Variants in PDE3A observed in about 807,000 individuals in gnomAD.
PDE3A encodes the protein phosphodiesterase 3A, also known as cGMP-inhibited 3',5'-cyclic phosphodiesterase 3A.
A neutral mutation model predicts 98.3 loss-of-function variants in PDE3A; 43 were observed. The ratio of observed to expected loss-of-function variants is 0.44; its 90% confidence interval spans 0.34 to 0.56. The LOEUF is 0.56. PDE3A is among the 20% of genes least tolerant of loss of function. The pLI, the probability that PDE3A is intolerant of heterozygous loss-of-function variation, is 0.01. For missense variants in PDE3A, 1,427 were observed against 1,440.7 expected, an observed-to-expected ratio of 0.99 and a Z score of 0.15; for synonymous variants, 663 against 567.9, an observed-to-expected ratio of 1.17 and a Z score of -2.38.
chr12:20,584,039 C>T (rs1013178752), intron 2 of PDE3A, among the ~76,000 whole-genome samples: 4 of 152,120 alleles, frequency 2.6e-5, no homozygotes, highest in Non-Finnish European at 5.9e-5. Context: ...GACGCACCTA[C>T]TGTGTGAAAG....
chr12:20,452,036 C>T (rs757154822), intron 1 of PDE3A, among the ~76,000 whole-genome samples: 19 of 152,114 alleles, frequency 1.2e-4, no homozygotes, highest in Non-Finnish European at 7.4e-5. Flanking sequence ...TGCTCTGCTC[C>T]GATAGGTCTC....
At chr12:20,554,383 A>T (rs1014517346) in intron 1 of PDE3A, among the ~76,000 whole-genome samples, 22 of 143,210 alleles carry the variant, frequency 1.5e-4, no homozygotes, top group Middle Eastern at 3.6e-3. Flanking sequence ...TAAAAAAAAT[A>T]AAAAAAGATT....
intron 1 of PDE3A, among the ~76,000 whole-genome samples, chr12:20,389,767 T>C (rs1244588883): frequency 6.6e-6 from 1 of 151,992 alleles, no homozygotes; most frequent in Non-Finnish European, 1.5e-5. Flanking sequence ...AGGTCATAGC[T>C]AAATTTAATG....
At chr12:20,465,609 C>T (rs1426547863) in intron 1 of PDE3A, among the ~76,000 whole-genome samples, 3 of 152,048 alleles carry the variant, frequency 2.0e-5, no homozygotes, top group Non-Finnish European at 2.9e-5. Context: ...TGGGGTTTCA[C>T]CATGCTGGCC....
intron 2 of PDE3A, among the ~76,000 whole-genome samples, chr12:20,558,235 T>C (rs1198005866): frequency 6.6e-6 from 1 of 150,946 alleles, no homozygotes; most frequent in African/African-American, 2.4e-5. Context: ...TTGTACAGTA[T>C]GGTTTTTGTT....
At chr12:20,423,347 A>G (rs994389936) in intron 1 of PDE3A, among the ~76,000 whole-genome samples, 6 of 152,236 alleles carry the variant, frequency 3.9e-5, no homozygotes, top group African/African-American at 1.2e-4. Context: ...TCTTTCACAG[A>G]CACAATGTAA....
At chr12:20,637,463 G>A (rs931398175) in intron 9 of PDE3A, among the ~76,000 whole-genome samples, 4 of 148,938 alleles carry the variant, frequency 2.7e-5, no homozygotes, top group Non-Finnish European at 4.6e-5. Context: ...TATTTTTAAA[G>A]ACAAAGTAGG....
In PDE3A at chr12:20,548,734, C is replaced by T. The variant is rs184034012; in HGVS notation, c.961-7926C>T. ...TGCAAAAAGGAAAATTCCACAGTTT[C>T]TATTTCTTTTCCTCATTGTCTGTGG... is the stretch of plus-strand genomic sequence containing the variant. On this transcript the variant is annotated intron_variant, in intron 1 of 15. Coordinates refer to ENST00000359062, the MANE Select transcript of PDE3A (RefSeq NM_000921.5). 1.7e-3 allele frequency among the ~76,000 whole-genome samples: 252 copies of T among 152,178 alleles called. 3 individuals are homozygous for T. Among genetic ancestry groups the T allele is most frequent in the African/African-American group, 5.6e-3 (233 of 41,562 alleles).
chr12:20,451,005 A>G (rs143841768), intron 1 of PDE3A, among the ~76,000 whole-genome samples: 1 of 152,236 alleles, frequency 6.6e-6, no homozygotes, highest in Non-Finnish European at 1.5e-5. Context: ...AAGCTCAGTT[A>G]CCTGCAGAAA....
At chr12:20,390,406 G>C (rs184178554) in intron 1 of PDE3A, among the ~76,000 whole-genome samples, 1 of 148,142 alleles carries the variant, frequency 6.8e-6, no homozygotes, top group East Asian at 2.1e-4. Flanking sequence ...CCTGGGTAGA[G>C]ACATTGAAGA....
Position 20,370,389 on chromosome 12 carries a change from G to A in PDE3A, c.960+145G>A, listed in dbSNP as rs181283253. On this transcript the variant is annotated intron_variant, in intron 1 of 15. Transcript: ENST00000359062. ...AACTTCAGAATTAAGAAACTAGCAGGTTTTTTTTTTGTTTTTTTTGTTTTT... is the reference window on the plus strand; with the variant it reads ...AACTTCAGAATTAAGAAACTAGCAGATTTTTTTTTTGTTTTTTTTGTTTTT... 444 of 425,160 alleles carry A rather than the reference G, an allele frequency of 1.0e-3. 1 individual carries two copies. The highest frequency in any genetic ancestry group is 8.4e-3 in the African/African-American group (393 of 46,740). The allele number at this position is 425,160 out of a possible 1,614,324, so 26.3% of individuals were successfully genotyped here.
intron 15 of PDE3A, among the ~76,000 whole-genome samples, chr12:20,665,109 T>C (rs555936908): frequency 3.5e-4 from 54 of 152,270 alleles, no homozygotes; most frequent in African/African-American, 1.3e-3. Context: ...TCCCTCCCTT[T>C]CTGCTGACTT....
intron 1 of PDE3A, among the ~76,000 whole-genome samples, chr12:20,534,799 T>C (rs1039265275): frequency 5.3e-5 from 8 of 152,232 alleles, no homozygotes; most frequent in Non-Finnish European, 7.3e-5. Flanking sequence ...AAGTAAATTA[T>C]ACCTGTTGAC....
At position 20,516,212 on chromosome 12, in the gene PDE3A, G is replaced by A. The variant is rs1946321167; in HGVS notation, c.961-40448G>A. Among the ~76,000 whole-genome samples the A allele has an allele frequency of 1.3e-5, 2 of 152,030 alleles. 1 individual carries two copies. The highest frequency in any genetic ancestry group is 4.1e-4 in the South Asian group (2 of 4,830). On this transcript the variant is annotated intron_variant, in intron 1 of 15. Coordinates refer to ENST00000359062, the MANE Select transcript of PDE3A (RefSeq NM_000921.5). ...TTCTTACTCAGACTCATTCAAAAAG[G>A]GATGGATTTTGAGTATTCATTTTGG...
intron 1 of PDE3A, among the ~76,000 whole-genome samples, chr12:20,488,664 TACAACA>T (rs1043206339): frequency 6.6e-6 from 1 of 151,884 alleles, no homozygotes; most frequent in Non-Finnish European, 1.5e-5. Context: ...GAGACATCTT[TACAACA>T]ACAACAACAA....
At chr12:20,474,958 T>A (rs1945502583) in intron 1 of PDE3A, among the ~76,000 whole-genome samples, 1 of 152,144 alleles carries the variant, frequency 6.6e-6, no homozygotes, top group East Asian at 1.9e-4. Context: ...AAGATAAATT[T>A]ATCTTTTTTT....
intron 2 of PDE3A, among the ~76,000 whole-genome samples, chr12:20,597,550 ACT>A (rs1337506361): frequency 3.9e-5 from 6 of 151,934 alleles, no homozygotes; most frequent in Admixed American, 2.0e-4. Context: ...GATAATGGTG[ACT>A]CTGTTCAGAG....
At chr12:20,581,798 G>C (rs1320750897) in intron 2 of PDE3A, among the ~76,000 whole-genome samples, 6 of 151,676 alleles carry the variant, frequency 4.0e-5, no homozygotes, top group African/African-American at 1.5e-4. Flanking sequence ...ATTTTTAGTA[G>C]AGACGGGGTT....
Position 20,680,385 on chromosome 12 carries a change from T to A in PDE3A, c.*114T>A, listed in dbSNP as rs909791220. 1.8e-6 allele frequency: 2 copies of A among 1,106,910 alleles called. No individual in the cohort carries two copies. The highest frequency in any genetic ancestry group is 1.6e-5 in the African/African-American group (1 of 63,898). The allele number at this position is 1,106,910 out of a possible 1,614,324, so 68.6% of individuals were successfully genotyped here. On this transcript the variant is annotated 3_prime_UTR_variant, in exon 16 of 16. Coordinates refer to ENST00000359062, the MANE Select transcript of PDE3A (RefSeq NM_000921.5). Reference sequence around the variant, plus strand: ...GAAATTTGAGATGGGCAAATGGCTATTGCATTTTGGGATTCTTCGCATTTT... The same window carrying A: ...GAAATTTGAGATGGGCAAATGGCTAATGCATTTTGGGATTCTTCGCATTTT...
Sources: gnomAD v4.1 joint callset for allele counts (sites outside exome capture counted in the v4.1 genomes callset) on GRCh38, gnomAD v4.1.1 for gene constraint, MANE v1.5 for transcripts, NCBI Gene and HGNC (gene_info 2026-07-23, HGNC 2026-07-21) for gene names.